RRM1: variants seen among roughly 807,000 people sequenced by gnomAD.
RRM1 encodes the protein ribonucleoside-diphosphate reductase large subunit.
RRM1 carries 19 observed loss-of-function variants against 101.5 expected under a neutral mutation model. That is an observed-to-expected ratio of 0.19 (90% CI 0.13 to 0.27). The LOEUF is 0.27. Among genes scored for constraint, RRM1 ranks in the 10% least tolerant of loss-of-function variants. RRM1 has a pLI of 1.00. For missense variants in RRM1, 500 were observed against 962.9 expected (o/e 0.52, Z 6.36); for synonymous variants, 298 against 323.4 (o/e 0.92, Z 0.84).
intron 5 of RRM1, 48 bp from the exon 6 acceptor site, chr11:4,111,553 C>T (rs1389607959): frequency 1.4e-6 from 2 of 1,460,952 alleles, no homozygotes; most frequent in Non-Finnish European, 1.9e-6. Context: ...TCCACTGCGT[C>T]TTTAAAAACG....
At chr11:4,130,803 T>C (rs1162800560) in intron 15 of RRM1, among the ~76,000 whole-genome samples, 1 of 152,200 alleles carries the variant, frequency 6.6e-6, no homozygotes, top group Non-Finnish European at 1.5e-5. Context: ...TATAGACAAT[T>C]CCATAGTTTG....
Position 4,132,465 on chromosome 11 carries a change from C to T in RRM1, c.1905+44C>T, listed in dbSNP as rs769068937. 1.1e-5 allele frequency: 17 copies of T among 1,606,362 alleles called. No individual in the cohort carries two copies. Among genetic ancestry groups the T allele is most frequent in the Non-Finnish European group, 1.4e-5 (17 of 1,175,202 alleles). ...GCCTTACAGGGAGATCTTTCAAAAG[C>T]CTGATGTTGGGAGTAAATGCTCACT... On this transcript the variant is annotated intron_variant, in intron 16 of 18. Transcript: ENST00000300738. This position sits in a 1 kb window ranked among gnomAD's most constrained non-coding sequence, Gnocchi z 4.1.
intron 14 of RRM1, among the ~76,000 whole-genome samples, chr11:4,128,147 AC>A (rs201204890): frequency 3.0e-3 from 390 of 130,902 alleles, no homozygotes; most frequent in African/African-American, 0.011. Flanking sequence ...TGTCCTCACC[AC>A]CCCCCTGTCC....
chr11:4,133,694 T>C, intron 17 of RRM1, 36 bp downstream of exon 17: 1 of 1,225,618 alleles, frequency 8.2e-7, no homozygotes, highest in Non-Finnish European at 1.2e-6. Context: ...CTGCAGGGGC[T>C]GAGTTGGACA....
chr11:4,138,537 A>G lies in RRM1; in HGVS notation c.*154A>G. 2 of 318,374 alleles carry G rather than the reference A, an allele frequency of 6.3e-6. No individual in the cohort carries two copies. Among genetic ancestry groups the G allele is most frequent in the Non-Finnish European group, 5.0e-6 (1 of 199,732 alleles). 19.7% of individuals were successfully genotyped at this position (318,374 alleles called of 1,614,324 possible). On this transcript the variant is annotated 3_prime_UTR_variant, in exon 19 of 19. Coordinates refer to ENST00000300738, the MANE Select transcript of RRM1 (RefSeq NM_001033.5). ...ATTTAAAGTACTGTTAATGATGATA[A>G]TGATTTTTTTTTTAAACTCATATAT... is the stretch of plus-strand genomic sequence containing the variant.
intron 18 of RRM1, chr11:4,137,358 G>T: frequency 1.2e-5 from 2 of 171,880 alleles, no homozygotes; most frequent in South Asian, 2.3e-4. Context: ...GGGCAGAGGC[G>T]CCCCTCACCT....
intron 4 of RRM1, among the ~76,000 whole-genome samples, chr11:4,109,349 CATAAT>C (rs1197871949): frequency 6.6e-6 from 1 of 151,856 alleles, no homozygotes; most frequent in African/African-American, 2.4e-5. Context: ...ATACTATAAA[CATAAT>C]AGTAAAAGTT....
Position 4,107,547 on chromosome 11 carries a change from A to G in RRM1, c.387+12A>G. On this transcript the variant is annotated intron_variant, in intron 4 of 18. Coordinates refer to ENST00000300738, the MANE Select transcript of RRM1 (RefSeq NM_001033.5). ...TGGCCAATAAAGATGTATGTATAAC[A>G]CTTATCTGGTGGAAATTTTTTGAGA... The G allele has an allele frequency of 6.4e-7, 1 of 1,561,374 alleles. No homozygotes were observed. Among genetic ancestry groups the G allele is most frequent in the Non-Finnish European group, 8.8e-7 (1 of 1,138,688 alleles).
At chr11:4,135,016 A>G (rs2094606662) in intron 17 of RRM1, 66 bp from the exon 18 acceptor site, 3 of 1,203,578 alleles carry the variant, frequency 2.5e-6, no homozygotes, top group African/African-American at 1.5e-5. Context: ...TTGTGTCACT[A>G]TTCTATTAAT....
chr11:4,110,636 G>A (rs1230698907), intron 5 of RRM1, among the ~76,000 whole-genome samples: 1 of 151,730 alleles, frequency 6.6e-6, no homozygotes, highest in Non-Finnish European at 1.5e-5. Context: ...GGGCATGGTG[G>A]TGCATGCCTG....
chr11:4,118,201 A>T, intron 7 of RRM1, 119 bp from the exon 8 acceptor site: 1 of 973,876 alleles, frequency 1.0e-6, no homozygotes, highest in Non-Finnish European at 1.5e-6. Flanking sequence ...ATCATTTAGG[A>T]ACTTTCTAAA....
chr11:4,095,499 G>A (rs116404549), intron 1 of RRM1, among the ~76,000 whole-genome samples: 5,367 of 150,608 alleles, frequency 0.036, 276 homozygotes, highest in African/African-American at 0.12. Flanking sequence ...GGGTCGGGGG[G>A]CAGCTAGGAA....
In RRM1 at chr11:4,102,021, C is replaced by T. The variant is rs781542182; in HGVS notation, c.48C>T (p.Asp16=). 2.5e-6 allele frequency: 4 copies of T among 1,604,322 alleles called. No individual in the cohort carries two copies. Among genetic ancestry groups the T allele is most frequent in the Non-Finnish European group, 2.6e-6 (3 of 1,172,608 alleles). The change falls in exon 2 of 19, where the codon GAC becomes GAT. Residue 16 remains aspartate (D), a synonymous_variant. Transcript: ENST00000300738. ...RDGRQERVMF[D]KITSRIQKLC... ...GCCGCCAAGAACGAGTCATGTTTGA[C>T]AAAATTACATCTCGAATCCAGAAGC... is the stretch of plus-strand genomic sequence containing the variant.
At chr11:4,106,291 T>C in intron 3 of RRM1, 68 bp downstream of exon 3, 1 of 1,350,062 alleles carries the variant, frequency 7.4e-7, no homozygotes, top group Non-Finnish European at 1.0e-6. Context: ...TAGAAATAAA[T>C]CTTGACTGTT....
At chr11:4,128,148 C>T (rs563415293) in intron 14 of RRM1, among the ~76,000 whole-genome samples, 4 of 149,640 alleles carry the variant, frequency 2.7e-5, no homozygotes, top group East Asian at 2.0e-4. Context: ...GTCCTCACCA[C>T]CCCCCTGTCC....
At position 4,123,202 on chromosome 11, in the gene RRM1, G is replaced by A. The variant is rs773503133; in HGVS notation, c.1138G>A (p.Val380Ile). Residue 380 changes from valine to isoleucine, a missense_variant, in exon 12 of 19, where the codon GTC becomes ATC. Val to Ile is a conservative substitution (Grantham distance 29, BLOSUM62 3). Coordinates refer to ENST00000300738, the MANE Select transcript of RRM1 (RefSeq NM_001033.5). ...TTTCAGTTATGAGAAACAAGGTCGTGTCCGCAAAGTTGTAAAAGCTCAGCA... is the reference window on the plus strand; with the variant it reads ...TTTCAGTTATGAGAAACAAGGTCGTATCCGCAAAGTTGTAAAAGCTCAGCA... ...LYASYEKQGRVRKVVKAQQLW... is the reference protein window; with the variant it reads ...LYASYEKQGRIRKVVKAQQLW... The A allele has an allele frequency of 6.2e-7, 1 of 1,613,992 alleles. No homozygotes were observed. The highest frequency in any genetic ancestry group is 2.2e-5 in the East Asian group (1 of 44,878).
At position 4,132,522 on chromosome 11, in the gene RRM1, G is replaced by A. The variant is rs2094602184; in HGVS notation, c.1905+101G>A. Reference sequence around the variant, plus strand: ...TAATTTGCCCATTTTCTTAGTTTGGGTGCAAACTTTGATAAAGACAGTCAT... The same window carrying A: ...TAATTTGCCCATTTTCTTAGTTTGGATGCAAACTTTGATAAAGACAGTCAT... On this transcript the variant is annotated intron_variant, in intron 16 of 18. Coordinates refer to ENST00000300738, the MANE Select transcript of RRM1 (RefSeq NM_001033.5). The surrounding 1 kb of genome is among the most constrained non-coding windows in gnomAD (Gnocchi z 4.1). 3 of 1,282,120 alleles carry A rather than the reference G, an allele frequency of 2.3e-6. No individual in the cohort carries two copies. The highest frequency in any genetic ancestry group is 3.8e-5 in the Admixed American group (2 of 52,584). The allele number at this position is 1,282,120 out of a possible 1,614,324, so 79.4% of individuals were successfully genotyped here.
intron 12 of RRM1, among the ~76,000 whole-genome samples, chr11:4,125,730 A>G (rs2094588407): frequency 6.6e-6 from 1 of 152,134 alleles, no homozygotes; most frequent in Non-Finnish European, 1.5e-5. Context: ...CTTCTTGACA[A>G]TTCTGTTTAA....
chr11:4,128,560 G>C (rs2094593781), intron 14 of RRM1, among the ~76,000 whole-genome samples: 1 of 152,160 alleles, frequency 6.6e-6, no homozygotes, highest in Non-Finnish European at 1.5e-5. Flanking sequence ...TAAATAGCCT[G>C]TGCACCAAGG....
Sources: allele counts gnomAD v4.1 joint callset (sites outside exome capture counted in the v4.1 genomes callset), GRCh38; gene constraint gnomAD v4.1.1; non-coding constraint Gnocchi (gnomAD v3.1); transcripts MANE v1.5; gene names NCBI Gene and HGNC (gene_info 2026-07-23, HGNC 2026-07-21).